Variants in CYP7B1 observed in about 807,000 individuals in gnomAD.
CYP7B1 encodes the protein cytochrome P450 family 7 subfamily B member 1, also known as cytochrome P450 7B1.
In CYP7B1, 29 loss-of-function variants were observed where a neutral mutation model predicts 42.7. The ratio of observed to expected loss-of-function variants is 0.68; its 90% CI spans 0.51 to 0.93. CYP7B1 has a LOEUF of 0.93. Among genes scored for constraint, CYP7B1 ranks in the 40% least tolerant of loss-of-function variants. The pLI, the probability that CYP7B1 is intolerant of heterozygous loss-of-function variation, is 0.00. For missense variants in CYP7B1, 655 were observed against 600.5 expected, an observed-to-expected ratio of 1.09 and a Z score of -0.95; for synonymous variants, 235 against 218.2, an observed-to-expected ratio of 1.08 and a Z score of -0.68.
chr8:64,782,880 C>G (rs535288856), intron 1 of CYP7B1, among the ~76,000 whole-genome samples: 1 of 152,100 alleles, frequency 6.6e-6, no homozygotes, highest in Non-Finnish European at 1.5e-5. Context: ...TGAGAATGTT[C>G]TCTATCTTAG....
intron 1 of CYP7B1, among the ~76,000 whole-genome samples, chr8:64,628,812 C>A (rs886243952): frequency 1.3e-5 from 2 of 151,966 alleles, no homozygotes; most frequent in African/African-American, 4.8e-5. Flanking sequence ...AAGAGTAGAC[C>A]AACACAGAAT....
At chr8:64,638,683 A>G (rs1035891640) in intron 1 of CYP7B1, among the ~76,000 whole-genome samples, 1 of 152,114 alleles carries the variant, frequency 6.6e-6, no homozygotes, top group African/African-American at 2.4e-5. Context: ...AGGGTGGAGT[A>G]AGGGATTTTA....
At chr8:64,750,033 G>A (rs1177956624) in intron 1 of CYP7B1, among the ~76,000 whole-genome samples, 1 of 152,160 alleles carries the variant, frequency 6.6e-6, no homozygotes, top group Non-Finnish European at 1.5e-5. Flanking sequence ...ATAAATGCAT[G>A]CTAAAATGCT....
chr8:64,699,074 C>T (rs1806874895), intron 1 of CYP7B1, among the ~76,000 whole-genome samples: 1 of 152,114 alleles, frequency 6.6e-6, no homozygotes, highest in Non-Finnish European at 1.5e-5. Context: ...TTGCAGGCCA[C>T]ATAGTTCTTC....
At chr8:64,788,661 T>C (rs922481881) in intron 1 of CYP7B1, among the ~76,000 whole-genome samples, 2 of 152,236 alleles carry the variant, frequency 1.3e-5, no homozygotes, top group Non-Finnish European at 2.9e-5. Context: ...ATAATCTTAC[T>C]TGTTTTTATT....
chr8:64,666,210 A>G lies in CYP7B1; in HGVS notation c.123-41671T>C, dbSNP rs556319056. Among the ~76,000 whole-genome samples the G allele has an allele frequency of 3.9e-5, 6 of 152,290 alleles. No homozygotes were observed. The South Asian group carries it at 6.2e-4, about 16-fold the overall frequency. On this transcript the variant is annotated intron_variant, in intron 1 of 5. Coordinates refer to ENST00000310193, the MANE Select transcript of CYP7B1 (RefSeq NM_004820.5). ...ATCAAAAGTACAAAAGTTACTCAAA[A>G]TAACCCTTTAAATGTTATGTTTTAG...
intron 1 of CYP7B1, among the ~76,000 whole-genome samples, chr8:64,679,651 G>C (rs1227755453): frequency 6.6e-6 from 1 of 152,092 alleles, no homozygotes; most frequent in Non-Finnish European, 1.5e-5. Flanking sequence ...CATTATAGCA[G>C]ATTTTATTCT....
At chr8:64,626,530 A>G (rs1805612832) in intron 1 of CYP7B1, among the ~76,000 whole-genome samples, 2 of 152,190 alleles carry the variant, frequency 1.3e-5, no homozygotes, top group Non-Finnish European at 2.9e-5. Flanking sequence ...CAAGCTACCA[A>G]TGATTGAGAC....
At chr8:64,651,162 T>C (rs1806032761) in intron 1 of CYP7B1, among the ~76,000 whole-genome samples, 1 of 152,206 alleles carries the variant, frequency 6.6e-6, no homozygotes, top group Non-Finnish European at 1.5e-5. Flanking sequence ...CACTTGGTTC[T>C]TCTGAGATGG....
At chr8:64,680,967 C>T (rs373702439) in intron 1 of CYP7B1, among the ~76,000 whole-genome samples, 3 of 152,254 alleles carry the variant, frequency 2.0e-5, no homozygotes, top group African/African-American at 7.2e-5. Flanking sequence ...TCCTTGTTTA[C>T]TCATACATTG....
chr8:64,733,807 C>T (rs1051530673), intron 1 of CYP7B1, among the ~76,000 whole-genome samples: 1 of 151,926 alleles, frequency 6.6e-6, no homozygotes, highest in African/African-American at 2.4e-5. Context: ...TCCATCTCTA[C>T]AATTTTTTTT....
intron 1 of CYP7B1, among the ~76,000 whole-genome samples, chr8:64,781,413 C>T (rs992872801): frequency 2.0e-5 from 3 of 152,134 alleles, no homozygotes; most frequent in Non-Finnish European, 4.4e-5. Context: ...ACATGGGCCT[C>T]ACTGGGCTAA....
At chr8:64,707,127 C>A (rs536036238) in intron 1 of CYP7B1, among the ~76,000 whole-genome samples, 62 of 152,084 alleles carry the variant, frequency 4.1e-4, no homozygotes, top group East Asian at 1.9e-3. Flanking sequence ...GCAAAACAAG[C>A]CTTCCAGAGA....
At chr8:64,793,875 G>A (rs570022308) in intron 1 of CYP7B1, among the ~76,000 whole-genome samples, 8 of 151,916 alleles carry the variant, frequency 5.3e-5, no homozygotes, top group African/African-American at 1.4e-4. Context: ...TATAACCACT[G>A]GTAAATGTCT....
chr8:64,704,256 C>T (rs147065221), intron 1 of CYP7B1, among the ~76,000 whole-genome samples: 2 of 152,040 alleles, frequency 1.3e-5, no homozygotes, highest in African/African-American at 4.8e-5. Flanking sequence ...ATGGCTAGCC[C>T]AGTACAGAAA....
At chr8:64,698,339 G>T (rs1042309486) in intron 1 of CYP7B1, among the ~76,000 whole-genome samples, 2 of 151,898 alleles carry the variant, frequency 1.3e-5, no homozygotes, top group Non-Finnish European at 2.9e-5. Context: ...AGCAGGGGGG[G>T]GAAAAAAACT....
At chr8:64,743,347 T>C (rs1164464441) in intron 1 of CYP7B1, among the ~76,000 whole-genome samples, 1 of 152,110 alleles carries the variant, frequency 6.6e-6, no homozygotes, top group African/African-American at 2.4e-5. Context: ...AAGAAAAGAA[T>C]TACCAAATCA....
At chr8:64,604,646 T>A in intron 5 of CYP7B1, 36 bp downstream of exon 5, 1 of 1,612,550 alleles carries the variant, frequency 6.2e-7, no homozygotes, top group Non-Finnish European at 8.5e-7. Context: ...CCACAGGATC[T>A]AAGAAGTAGC....
chr8:64,754,752 T>TG (rs1257794034), intron 1 of CYP7B1, among the ~76,000 whole-genome samples: 10 of 152,178 alleles, frequency 6.6e-5, no homozygotes, highest in Non-Finnish European at 1.0e-4. Context: ...GAAAAGCCCC[T>TG]GCAGAGTTTT....
Sources: gnomAD v4.1 joint callset for allele counts (sites outside exome capture counted in the v4.1 genomes callset) on GRCh38, gnomAD v4.1.1 for gene constraint, MANE v1.5 for transcripts, NCBI Gene and HGNC (gene_info 2026-07-23, HGNC 2026-07-21) for gene names.